Variants in LGR6 observed in about 807,000 individuals in gnomAD.
LGR6 encodes the protein leucine rich repeat containing G protein-coupled receptor 6, also known as leucine-rich repeat-containing G protein-coupled receptor 6.
In LGR6, 45 loss-of-function variants were observed where a neutral mutation model predicts 69.4. The observed-to-expected ratio is 0.65, with a 90% CI of 0.51 to 0.83. The LOEUF (loss-of-function observed/expected upper bound fraction) is 0.83, where lower values mean the gene tolerates loss of function less well. Among genes scored for constraint, LGR6 ranks in the 40% least tolerant of loss-of-function variants. The pLI, the probability that LGR6 is intolerant of heterozygous loss-of-function variation, is 0.00. For synonymous variants in LGR6, 538 were observed against 555.0 expected, an observed-to-expected ratio of 0.97 and a Z score of 0.43; for missense variants, 1,108 against 1,246.7, an observed-to-expected ratio of 0.89 and a Z score of 1.68.
chr1:202,194,251 C>G, intron 1 of LGR6, 50 bp downstream of exon 1: 2 of 1,355,496 alleles, frequency 1.5e-6, no homozygotes, highest in South Asian at 1.4e-5. Context: ...TGCTGGCTAG[C>G]GCCCAGTCCC....
intron 6 of LGR6, among the ~76,000 whole-genome samples, chr1:202,295,869 TAGTGTGTGTG>T (rs771474882): frequency 8.6e-6 from 1 of 116,496 alleles, no homozygotes; most frequent in South Asian, 3.2e-4. Context: ...ATTGGGTAAT[TAGTGTGTGTG>T]TGTGTGTGTG....
intron 4 of LGR6, among the ~76,000 whole-genome samples, chr1:202,254,421 C>T (rs1191743363): frequency 6.6e-6 from 1 of 152,212 alleles, no homozygotes; most frequent in African/African-American, 2.4e-5. Flanking sequence ...TGCTGCAAAA[C>T]TAGTTTATCC....
intron 4 of LGR6, among the ~76,000 whole-genome samples, chr1:202,246,691 A>G (rs1005515883): frequency 6.6e-6 from 1 of 152,108 alleles, no homozygotes; most frequent in Non-Finnish European, 1.5e-5. Flanking sequence ...GCAAGCAAAC[A>G]TGATGTAAAA....
At chr1:202,231,591 G>A (rs1288543413) in intron 3 of LGR6, among the ~76,000 whole-genome samples, 3 of 136,876 alleles carry the variant, frequency 2.2e-5, no homozygotes, top group East Asian at 4.1e-4. Context: ...CTGAGCCTCC[G>A]TTTTCTCACC....
chr1:202,298,046 A>G lies in LGR6; in HGVS notation c.785+470A>G, dbSNP rs74136778. Among the ~76,000 whole-genome samples the G allele has an allele frequency of 2.9e-3, 446 of 152,284 alleles. 1 individual carries two copies. Among genetic ancestry groups the G allele is most frequent in the African/African-American group, 0.01 (421 of 41,560 alleles). On this transcript the variant is annotated intron_variant, in intron 7 of 17. Coordinates refer to ENST00000367278, the MANE Select transcript of LGR6 (RefSeq NM_001017403.2). ...TATTTCAGCATTCGCTGAGCACCCA[A>G]TGTACCCTGCACTGTGTTTAGTGAT...
At chr1:202,280,739 G>A in intron 5 of LGR6, 42 bp from the exon 6 acceptor site, 1 of 1,593,094 alleles carries the variant, frequency 6.3e-7, no homozygotes, top group Non-Finnish European at 8.6e-7. Context: ...TGGCCCCAGT[G>A]CCGTGGGCAC....
At chr1:202,194,328 C>T in intron 1 of LGR6, 127 bp downstream of exon 1, 1 of 638,720 alleles carries the variant, frequency 1.6e-6, no homozygotes, top group African/African-American at 1.9e-5. Flanking sequence ...GGTTTGCCCC[C>T]TTCCAAGTTG....
At chr1:202,282,481 T>G (rs774223586) in intron 6 of LGR6, among the ~76,000 whole-genome samples, 7 of 152,154 alleles carry the variant, frequency 4.6e-5, no homozygotes, top group Non-Finnish European at 7.4e-5. Context: ...GGGGGAATCC[T>G]AGATGTAAGA....
chr1:202,196,728 A>G (rs540301899), intron 1 of LGR6, among the ~76,000 whole-genome samples: 2 of 152,300 alleles, frequency 1.3e-5, no homozygotes, highest in South Asian at 4.1e-4. Context: ...CATGCCTCCT[A>G]TGGGTGCTCC....
At chr1:202,275,461 T>C (rs1457630933) in intron 4 of LGR6, among the ~76,000 whole-genome samples, 2 of 152,186 alleles carry the variant, frequency 1.3e-5, no homozygotes, top group Non-Finnish European at 2.9e-5. Flanking sequence ...TAAGATCTTC[T>C]AGGGCTCCCA....
intron 3 of LGR6, among the ~76,000 whole-genome samples, chr1:202,231,694 G>GTGT (rs1274765988): frequency 1.3e-5 from 2 of 152,192 alleles, no homozygotes; most frequent in African/African-American, 4.8e-5. Context: ...ATGATGATCG[G>GTGT]TGTTCACACT....
At chr1:202,271,835 AGG>A (rs1486199822) in intron 4 of LGR6, among the ~76,000 whole-genome samples, 1 of 145,688 alleles carries the variant, frequency 6.9e-6, no homozygotes, top group Non-Finnish European at 1.5e-5. Flanking sequence ...AAAAAGAGAG[AGG>A]GGAGAGAGGA....
At chr1:202,235,864 C>T in intron 3 of LGR6, 58 bp from the exon 4 acceptor site, 1 of 1,513,450 alleles carries the variant, frequency 6.6e-7, no homozygotes, top group Non-Finnish European at 9.2e-7. Context: ...GAGTCAGCAC[C>T]CTCCAGCCAG....
chr1:202,309,358 C>T (rs1653530244), intron 15 of LGR6, among the ~76,000 whole-genome samples, 182 bp downstream of exon 15: 1 of 152,232 alleles, frequency 6.6e-6, no homozygotes, highest in South Asian at 2.1e-4. Flanking sequence ...GCCTCCCCTT[C>T]CTCCTTATCT....
intron 6 of LGR6, among the ~76,000 whole-genome samples, chr1:202,292,912 AAG>A (rs1352431180): frequency 2.0e-5 from 3 of 152,230 alleles, no homozygotes; most frequent in African/African-American, 4.8e-5. Flanking sequence ...CTATGGAGAA[AAG>A]AGAGAGTAGA....
intron 1 of LGR6, among the ~76,000 whole-genome samples, chr1:202,223,901 C>T (rs528759473): frequency 6.8e-6 from 1 of 147,992 alleles, no homozygotes; most frequent in Non-Finnish European, 1.5e-5. Context: ...CACTTGCCCA[C>T]AGGACCCCGA....
intron 16 of LGR6, 60 bp downstream of exon 16, chr1:202,310,417 G>A: frequency 6.6e-7 from 1 of 1,512,220 alleles, no homozygotes; most frequent in South Asian, 1.2e-5. Context: ...GAAGTTAGAG[G>A]GGATGCTTGG....
At chr1:202,286,202 A>G (rs1447759631) in intron 6 of LGR6, among the ~76,000 whole-genome samples, 1 of 152,172 alleles carries the variant, frequency 6.6e-6, no homozygotes, top group Non-Finnish European at 1.5e-5. Flanking sequence ...TGGGGGCTAC[A>G]TATAATTCAA....
intron 17 of LGR6, 36 bp downstream of exon 17, chr1:202,314,918 A>G (rs1654030036): frequency 2.6e-6 from 4 of 1,525,126 alleles, no homozygotes; most frequent in African/African-American, 1.4e-5. Flanking sequence ...ACGAGGGGGA[A>G]TGGAGAAAGG....
Sources: allele counts gnomAD v4.1 joint callset (sites outside exome capture counted in the v4.1 genomes callset), GRCh38; gene constraint gnomAD v4.1.1; transcripts MANE v1.5; gene names NCBI Gene and HGNC (gene_info 2026-07-23, HGNC 2026-07-21).